Variants in LMX1B observed in about 807,000 individuals in gnomAD.
LMX1B encodes LIM homeobox transcription factor 1 beta, also known as LIM homeobox transcription factor 1-beta.
A neutral mutation model predicts 51.4 loss-of-function variants in LMX1B; 12 were observed. The ratio of observed to expected loss-of-function variants is 0.23; its 90% CI spans 0.15 to 0.38. LMX1B has a LOEUF of 0.38. Among genes scored for constraint, LMX1B ranks in the 10% least tolerant of loss-of-function variants. The pLI, the probability that LMX1B is intolerant of heterozygous loss-of-function variation, is 1.00. For synonymous variants in LMX1B, 237 were observed against 235.4 expected, an observed-to-expected ratio of 1.01 and a Z score of -0.06; for missense variants, 445 against 571.1, an observed-to-expected ratio of 0.78 and a Z score of 2.25.
chr9:126,689,306 G>C (rs981563841), intron 2 of LMX1B, among the ~76,000 whole-genome samples: 4 of 152,300 alleles, frequency 2.6e-5, no homozygotes, highest in South Asian at 2.1e-4. Flanking sequence ...CGGTTCTGAC[G>C]GCAGCTCCAG....
intron 2 of LMX1B, among the ~76,000 whole-genome samples, chr9:126,639,387 AG>A (rs1035917635): frequency 2.0e-5 from 3 of 152,124 alleles, no homozygotes; most frequent in African/African-American, 7.2e-5. Flanking sequence ...CTGATTCTCC[AG>A]GGGCCTCGAA....
chr9:126,652,309 T>G, intron 2 of LMX1B, among the ~76,000 whole-genome samples: 2 of 147,364 alleles, frequency 1.4e-5, no homozygotes, highest in South Asian at 2.2e-4. Flanking sequence ...GGGGGGGGAT[T>G]TTCTCTTTCT....
At chr9:126,683,107 C>T (rs923052799) in intron 2 of LMX1B, among the ~76,000 whole-genome samples, 1 of 150,996 alleles carries the variant, frequency 6.6e-6, no homozygotes, top group Non-Finnish European at 1.5e-5. Flanking sequence ...CCGGCGGCCC[C>T]GCACAGCTGC....
chr9:126,672,896 C>T (rs1245177225), intron 2 of LMX1B, among the ~76,000 whole-genome samples: 1 of 152,226 alleles, frequency 6.6e-6, no homozygotes, highest in Non-Finnish European at 1.5e-5. Flanking sequence ...CCAGTGATGC[C>T]AGAAGTGAGG....
rs2030293777 is a variant in LMX1B, at chr9:126,695,521, G to C, written c.887-318G>C. On this transcript the variant is annotated intron_variant, in intron 6 of 7. Transcript: ENST00000373474. This position sits in a 1 kb window ranked among gnomAD's most constrained non-coding sequence, Gnocchi z 5.2. ...CCCGGGGCCTTTTTGGCCTGGGTCT[G>C]GGACCTTGGTGCTCCCAGATGCAGC... 6.6e-6 allele frequency among the ~76,000 whole-genome samples: 1 copy of C among 152,218 alleles called. No individual in the cohort carries two copies. Among genetic ancestry groups the C allele is most frequent in the Non-Finnish European group, 1.5e-5 (1 of 68,048 alleles).
At chr9:126,682,675 T>A (rs981725366) in intron 2 of LMX1B, among the ~76,000 whole-genome samples, 1 of 151,910 alleles carries the variant, frequency 6.6e-6, no homozygotes, top group Non-Finnish European at 1.5e-5. Flanking sequence ...GGTGGGGGGA[T>A]CACGAGGTCA....
chr9:126,633,027 T>C (rs1681855594), intron 2 of LMX1B, among the ~76,000 whole-genome samples: 1 of 152,328 alleles, frequency 6.6e-6, no homozygotes, highest in South Asian at 2.1e-4. Context: ...ATCAAGGTCT[T>C]ACTCAGGCTG....
intron 2 of LMX1B, among the ~76,000 whole-genome samples, chr9:126,624,420 C>G (rs1242334524): frequency 6.6e-6 from 1 of 152,228 alleles, no homozygotes; most frequent in Non-Finnish European, 1.5e-5. Context: ...CCTGCCGACC[C>G]CCTCGGGCTG....
intron 2 of LMX1B, among the ~76,000 whole-genome samples, chr9:126,655,561 G>C (rs1044665831): frequency 6.6e-6 from 1 of 152,184 alleles, no homozygotes; most frequent in African/African-American, 2.4e-5. Context: ...GGTTTCTCCT[G>C]TTTTGTTCAC....
At chr9:126,686,729 T>C (rs2029904958) in intron 2 of LMX1B, among the ~76,000 whole-genome samples, 1 of 152,190 alleles carries the variant, frequency 6.6e-6, no homozygotes, top group Non-Finnish European at 1.5e-5. Flanking sequence ...AGGGAGTATC[T>C]GGAGTATCTG....
At chr9:126,614,814 C>G (rs898264807) in intron 1 of LMX1B, among the ~76,000 whole-genome samples, 1 of 152,142 alleles carries the variant, frequency 6.6e-6, no homozygotes, top group African/African-American at 2.4e-5. Flanking sequence ...CCATCCTTTC[C>G]AGGCTTAGGT....
At chr9:126,686,518 GGA>G (rs2029890365) in intron 2 of LMX1B, among the ~76,000 whole-genome samples, 1 of 152,178 alleles carries the variant, frequency 6.6e-6, no homozygotes, top group Non-Finnish European at 1.5e-5. Context: ...ATGATCCCCT[GGA>G]GGGGAAAAAT....
intron 2 of LMX1B, among the ~76,000 whole-genome samples, chr9:126,656,392 T>TAGAC (rs1213435720): frequency 2.4e-5 from 2 of 84,068 alleles, no homozygotes; most frequent in East Asian, 5.2e-4. Flanking sequence ...TTTAGATAGA[T>TAGAC]AGATAGATAG....
At chr9:126,648,924 G>A (rs867904457) in intron 2 of LMX1B, among the ~76,000 whole-genome samples, 3 of 152,140 alleles carry the variant, frequency 2.0e-5, no homozygotes, top group African/African-American at 7.2e-5. Flanking sequence ...AGGCCATGCC[G>A]CACGGGAAGC....
At chr9:126,627,884 C>A (rs1835563765) in intron 2 of LMX1B, among the ~76,000 whole-genome samples, 1 of 152,152 alleles carries the variant, frequency 6.6e-6, no homozygotes, top group African/African-American at 2.4e-5. Flanking sequence ...CTCCACAGTC[C>A]TTTTGAGAAC....
intron 3 of LMX1B, among the ~76,000 whole-genome samples, chr9:126,691,479 A>C (rs1564168934): frequency 6.6e-6 from 1 of 152,218 alleles, no homozygotes; most frequent in Non-Finnish European, 1.5e-5. Flanking sequence ...ATACATACAC[A>C]TACACACATG....
intron 2 of LMX1B, among the ~76,000 whole-genome samples, chr9:126,689,815 C>T (rs923275069): frequency 2.0e-5 from 3 of 152,250 alleles, no homozygotes; most frequent in Non-Finnish European, 4.4e-5. Flanking sequence ...CCATGCGACC[C>T]TGAGCAAGCA....
At chr9:126,631,557 G>GC (rs1464764023) in intron 2 of LMX1B, among the ~76,000 whole-genome samples, 1 of 152,082 alleles carries the variant, frequency 6.6e-6, no homozygotes, top group African/African-American at 2.4e-5. Flanking sequence ...GAGCTCCCAG[G>GC]CTAAGTGGGT....
chr9:126,692,416 TG>T, intron 3 of LMX1B, among the ~76,000 whole-genome samples: 1 of 152,292 alleles, frequency 6.6e-6, no homozygotes, highest in African/African-American at 2.4e-5. Context: ...GACCCAAACC[TG>T]GGGCGGGGAA....
Sources: allele counts gnomAD v4.1 joint callset (sites outside exome capture counted in the v4.1 genomes callset), GRCh38; gene constraint gnomAD v4.1.1; non-coding constraint Gnocchi (gnomAD v3.1); transcripts MANE v1.5; gene names NCBI Gene and HGNC (gene_info 2026-07-23, HGNC 2026-07-21).